Variants in POLR1D observed in about 807,000 individuals in gnomAD.
The protein encoded by POLR1D is RNA polymerase I and III subunit D.
Under a neutral mutation model 10.8 loss-of-function variants are expected in POLR1D, and 8 were observed. The ratio of observed to expected loss-of-function variants is 0.74; its 90% confidence interval spans 0.43 to 1.33. The LOEUF is 1.33. POLR1D is among the 40% of genes most tolerant of loss of function. The probability of loss-of-function intolerance (pLI) is 0.01; values close to 1 mark genes in which losing one functional copy is unlikely to be tolerated. For synonymous variants in POLR1D, 54 were observed against 57.2 expected (o/e 0.94, Z 0.25); for missense variants, 152 against 161.7 (o/e 0.94, Z 0.32).
intron 2 of POLR1D, among the ~76,000 whole-genome samples, chr13:27,658,635 C>A (rs967675606): frequency 1.3e-5 from 2 of 152,054 alleles, no homozygotes. Flanking sequence ...AAGTGGGATG[C>A]CATTTTTTAT....
rs1220583843 is a variant in POLR1D, at chr13:27,635,879, C to G, written c.27-12500C>G. On this transcript the variant is annotated intron_variant, in intron 1 of 2. Coordinates refer to the POLR1D transcript ENST00000399697. ...GGTGCGGAACTGGGACTCATTTTCT[C>G]ACCACTATATTGTGGCTGCTTTCTT... Among the ~76,000 whole-genome samples, 3 of 152,090 alleles carry G rather than the reference C, an allele frequency of 2.0e-5. No individual in the cohort carries two copies. In the East Asian group the frequency reaches 5.8e-4, roughly 29 times the overall value.
At chr13:27,623,767 G>A (rs1274274917), downstream of POLR1D, among the ~76,000 whole-genome samples, 7 of 152,158 alleles carry the variant, frequency 4.6e-5, no homozygotes, top group Admixed American at 4.6e-4. Flanking sequence ...GGTAGACTTG[G>A]CAAGGGTGGG....
chr13:27,654,676 G>A (rs901875525), intron 2 of POLR1D, among the ~76,000 whole-genome samples: 9 of 152,176 alleles, frequency 5.9e-5, no homozygotes, highest in Admixed American at 2.6e-4. Context: ...TGTATGTCCC[G>A]TTTATACACA....
At chr13:27,666,162 G>A (rs1333234675) in exon 3 of POLR1D, 2 of 578,054 alleles carry the variant, frequency 3.5e-6, no homozygotes, top group Non-Finnish European at 6.1e-6. Flanking sequence ...GTCTTGGCAA[G>A]TTTAAGCTAC....
At chr13:27,660,468 AAAT>A (rs1956353262) in intron 2 of POLR1D, among the ~76,000 whole-genome samples, 1 of 152,190 alleles carries the variant, frequency 6.6e-6, no homozygotes, top group South Asian at 2.1e-4. Flanking sequence ...CTAACCATAA[AAAT>A]AATTCTTATT....
intron 2 of POLR1D, chr13:27,660,896 T>G (rs1262675000): frequency 6.6e-6 from 1 of 152,216 alleles, no homozygotes; most frequent in African/African-American, 2.4e-5. Context: ...GAGGCAACAT[T>G]GGTAATGGAA....
intron 2 of POLR1D, among the ~76,000 whole-genome samples, chr13:27,659,868 G>A (rs930964278): frequency 1.3e-5 from 2 of 150,738 alleles, no homozygotes; most frequent in Non-Finnish European, 1.5e-5. Context: ...ATGTATCTTT[G>A]CTACAGTGCT....
rs1486349544 is a variant in POLR1D at position 27,663,852 on chromosome 13, T to C, written c.102-1834T>C. Among the ~76,000 whole-genome samples, 1 of 152,158 alleles carries C rather than the reference T, an allele frequency of 6.6e-6. No homozygotes were observed. The highest frequency in any genetic ancestry group is 1.5e-5 in the Non-Finnish European group (1 of 68,020). On this transcript the variant is annotated intron_variant, in intron 2 of 2. Coordinates refer to the POLR1D transcript ENST00000399697. The surrounding 1 kb of genome is among the most constrained non-coding windows in gnomAD (Gnocchi z 4.1). ...CACCAGCTACTCCTAGCCCTATATA[T>C]CCAAGAGACATATGTAGTTCATTTG... is the stretch of plus-strand genomic sequence containing the variant.
At chr13:27,656,724 C>G (rs1216810988) in intron 2 of POLR1D, among the ~76,000 whole-genome samples, 2 of 152,168 alleles carry the variant, frequency 1.3e-5, no homozygotes, top group East Asian at 1.9e-4. Context: ...CTCTGTGCCC[C>G]TTTACCCAGG....
exon 3 of POLR1D, chr13:27,665,690 A>C: frequency 1.2e-6 from 2 of 1,613,838 alleles, no homozygotes; most frequent in South Asian, 1.1e-5. Flanking sequence ...CCCCAGGATG[A>C]AGTGTCCTCT....
chr13:27,637,642 T>A (rs1302580048), intron 1 of POLR1D, among the ~76,000 whole-genome samples: 6 of 152,208 alleles, frequency 3.9e-5, no homozygotes, highest in South Asian at 2.1e-4. Context: ...GTATATATAT[T>A]AACTAAGTTT....
At chr13:27,644,575 C>T (rs972226678) in intron 1 of POLR1D, among the ~76,000 whole-genome samples, 4 of 152,210 alleles carry the variant, frequency 2.6e-5, no homozygotes, top group Non-Finnish European at 5.9e-5. Context: ...CCCAGAAAAC[C>T]GTCTGCTTAA....
intron 1 of POLR1D, among the ~76,000 whole-genome samples, chr13:27,632,641 A>ACCCCCCCCCCCC (rs11378549): frequency 6.3e-4 from 91 of 145,218 alleles, no homozygotes; most frequent in Non-Finnish European, 9.1e-4. Context: ...AAATTGCAGC[A>ACCCCCCCCCCCC]CCCCCCGCCC....
rs573410766 is a variant in POLR1D, at chr13:27,630,210, A to G, written c.26+8201A>G. The stretch of plus-strand genomic sequence containing the variant: ...GCCAGCCTGATTTTTTTTATCTAGT[A>G]CTGTTTCTCAGTATATTCCCTGTTC... On this transcript the variant is annotated intron_variant, in intron 1 of 2. Transcript: ENST00000399697. Among the ~76,000 whole-genome samples, 28 of 152,164 alleles carry G rather than the reference A, an allele frequency of 1.8e-4. 1 individual carries two copies. The South Asian group carries it at 5.0e-3, about 27-fold the overall frequency.
intron 2 of POLR1D, among the ~76,000 whole-genome samples, chr13:27,655,189 TATA>T (rs1270744914): frequency 6.6e-6 from 1 of 152,250 alleles, no homozygotes; most frequent in Non-Finnish European, 1.5e-5. Flanking sequence ...CACTAGAAAA[TATA>T]ATGAGAAAAA....
At chr13:27,652,531 C>T (rs1438831216) in intron 2 of POLR1D, among the ~76,000 whole-genome samples, 1 of 152,168 alleles carries the variant, frequency 6.6e-6, no homozygotes, top group Non-Finnish European at 1.5e-5. Flanking sequence ...GACACTGAGT[C>T]CACATTTCAG....
intron 2 of POLR1D, among the ~76,000 whole-genome samples, chr13:27,654,528 G>A (rs1593291876): frequency 6.6e-6 from 1 of 152,178 alleles, no homozygotes; most frequent in Non-Finnish European, 1.5e-5. Context: ...TATTGGCAAT[G>A]AATACTGGGA....
chr13:27,651,886 G>A (rs1018255302), intron 2 of POLR1D, among the ~76,000 whole-genome samples: 3 of 152,186 alleles, frequency 2.0e-5, no homozygotes, highest in African/African-American at 7.2e-5. Flanking sequence ...GAGATAATGT[G>A]TATGAAAACA....
exon 3 of POLR1D, chr13:27,667,380 T>C (rs1956427764): frequency 2.0e-5 from 3 of 152,244 alleles, no homozygotes; most frequent in Non-Finnish European, 4.4e-5. Context: ...AAAATTGTTA[T>C]AATTAAGTAA....
Sources: gnomAD v4.1 joint callset for allele counts (sites outside exome capture counted in the v4.1 genomes callset) on GRCh38, gnomAD v4.1.1 for gene constraint, Gnocchi (gnomAD v3.1) non-coding constraint, MANE v1.5 for transcripts, NCBI Gene and HGNC (gene_info 2026-07-23, HGNC 2026-07-21) for gene names.